The following ARHGAP15 variants were observed in gnomAD, a reference collection of about 807,000 sequenced individuals.
The protein encoded by ARHGAP15 is Rho GTPase activating protein 15.
ARHGAP15 carries 51 observed loss-of-function variants against 63.7 expected under a neutral mutation model. The ratio of observed to expected loss-of-function variants is 0.80; its 90% CI spans 0.64 to 1.01. The LOEUF (loss-of-function observed/expected upper bound fraction) is 1.01. Ranked by LOEUF, ARHGAP15 falls within the 50% of genes least tolerant of loss-of-function variation. The probability of loss-of-function intolerance (pLI) is 0.00; values close to 1 mark genes in which losing one functional copy is unlikely to be tolerated. For missense variants in ARHGAP15, 560 were observed against 564.6 expected (o/e 0.99, Z 0.08); for synonymous variants, 191 against 193.8 (o/e 0.99, Z 0.12).
At chr2:143,486,880 T>A (rs1022350512) in intron 8 of ARHGAP15, among the ~76,000 whole-genome samples, 1 of 152,184 alleles carries the variant, frequency 6.6e-6, no homozygotes, top group Admixed American at 6.5e-5. Flanking sequence ...AAGAAATACC[T>A]GCTTCAGAAA....
At chr2:143,254,336 G>C (rs1047579737) in intron 6 of ARHGAP15, among the ~76,000 whole-genome samples, 2 of 151,856 alleles carry the variant, frequency 1.3e-5, no homozygotes, top group African/African-American at 4.8e-5. Flanking sequence ...TCCTGGCTGG[G>C]CATGTTAGGC....
Position 143,250,579 on chromosome 2 carries a change from G to C in ARHGAP15, c.453G>C (p.Ser151=). ...ACATTGAATGGGCCAAGGAAAAATC[G>C]AGCAGAAAGAATGTCTTTCAGGTAA... ...GAHIEWAKEK[S]SRKNVFQITT... Residue 151 remains serine (S), a synonymous_variant, in exon 6 of 14, where the codon TCG becomes TCC. Coordinates refer to ENST00000295095, the MANE Select transcript of ARHGAP15 (RefSeq NM_018460.4). 6.2e-7 allele frequency: 1 copy of C among 1,613,066 alleles called. No homozygotes were observed. Among genetic ancestry groups the C allele is most frequent in the East Asian group, 2.2e-5 (1 of 44,812 alleles).
intron 6 of ARHGAP15, among the ~76,000 whole-genome samples, chr2:143,268,987 A>G (rs1681137632): frequency 6.6e-6 from 1 of 152,124 alleles, no homozygotes; most frequent in African/African-American, 2.4e-5. Context: ...TTAGATTCTC[A>G]AGGAAATAAA....
chr2:143,412,213 C>T (rs1456466726), intron 6 of ARHGAP15, among the ~76,000 whole-genome samples: 4 of 152,010 alleles, frequency 2.6e-5, no homozygotes. Flanking sequence ...AGCTCTATGT[C>T]GTGTTTTTAA....
At chr2:143,399,349 G>A (rs1038619264) in intron 6 of ARHGAP15, among the ~76,000 whole-genome samples, 4 of 88,282 alleles carry the variant, frequency 4.5e-5, no homozygotes, top group African/African-American at 1.2e-4. Context: ...GGCTCAAAGA[G>A]CACTGAGGCA....
At chr2:143,698,649 T>C (rs1683954173) in intron 12 of ARHGAP15, among the ~76,000 whole-genome samples, 1 of 152,146 alleles carries the variant, frequency 6.6e-6, no homozygotes, top group African/African-American at 2.4e-5. Flanking sequence ...GTGTGTGCAA[T>C]TGTGGGTTCA....
intron 6 of ARHGAP15, among the ~76,000 whole-genome samples, chr2:143,317,166 A>G (rs1683758490): frequency 6.6e-6 from 1 of 152,204 alleles, no homozygotes; most frequent in African/African-American, 2.4e-5. Flanking sequence ...TGGAAATATA[A>G]GATCCAGAAA....
At chr2:143,303,642 A>C (rs1558878289) in intron 6 of ARHGAP15, among the ~76,000 whole-genome samples, 1 of 152,174 alleles carries the variant, frequency 6.6e-6, no homozygotes, top group Non-Finnish European at 1.5e-5. Context: ...GCTTCTGCAC[A>C]GCAAAAGAAA....
Position 143,721,061 on chromosome 2 carries a change from C to CAAA in ARHGAP15, c.1244+17554_1244+17556dup, listed in dbSNP as rs60500194. 1.4e-3 allele frequency among the ~76,000 whole-genome samples: 111 copies of CAAA among 78,410 alleles called. 1 individual carries two copies. The highest frequency in any genetic ancestry group is 7.4e-3 in the East Asian group (20 of 2,694). The allele number at this position is 78,410 out of a possible 152,430, so 51.4% of individuals were successfully genotyped here. The stretch of plus-strand genomic sequence containing the variant: ...TGGGCGACAGAGCAAGACTCCGTCT[C>CAAA]AAAAAAAAAAAAAAAAAAATGCAGA... On this transcript the variant is annotated intron_variant, in intron 13 of 13. Transcript: ENST00000295095.
chr2:143,324,599 T>G (rs1042583711), intron 6 of ARHGAP15, among the ~76,000 whole-genome samples: 2 of 152,228 alleles, frequency 1.3e-5, no homozygotes, highest in African/African-American at 2.4e-5. Context: ...CGTACAGGGT[T>G]AGCTGGGAAA....
chr2:143,437,608 C>G (rs1359133717), intron 8 of ARHGAP15, among the ~76,000 whole-genome samples: 1 of 152,194 alleles, frequency 6.6e-6, no homozygotes, highest in African/African-American at 2.4e-5. Flanking sequence ...ACTACTTACA[C>G]AGTGATCTTG....
At chr2:143,169,359 C>T (rs1409671665) in intron 2 of ARHGAP15, among the ~76,000 whole-genome samples, 1 of 151,954 alleles carries the variant, frequency 6.6e-6, no homozygotes, top group African/African-American at 2.4e-5. Flanking sequence ...ACCTATCTGG[C>T]ATTTGAGTTG....
chr2:143,465,344 A>G (rs550227697), intron 8 of ARHGAP15, among the ~76,000 whole-genome samples: 116 of 152,292 alleles, frequency 7.6e-4, no homozygotes, highest in African/African-American at 2.7e-3. Flanking sequence ...CCTGAATGCT[A>G]CAGCACTTAC....
chr2:143,443,893 T>C (rs1690012995), intron 8 of ARHGAP15, among the ~76,000 whole-genome samples: 1 of 152,198 alleles, frequency 6.6e-6, no homozygotes, highest in South Asian at 2.1e-4. Flanking sequence ...TAGATTGCAC[T>C]TTCTTCAAAA....
At chr2:143,525,503 G>A (rs550043362) in intron 10 of ARHGAP15, among the ~76,000 whole-genome samples, 9 of 151,686 alleles carry the variant, frequency 5.9e-5, no homozygotes, top group Non-Finnish European at 2.9e-5. Context: ...CTTATGTTAG[G>A]CATCTGCATG....
chr2:143,706,074 T>C (rs1250892289), intron 13 of ARHGAP15, among the ~76,000 whole-genome samples: 1 of 152,204 alleles, frequency 6.6e-6, no homozygotes, highest in Non-Finnish European at 1.5e-5. Flanking sequence ...AAGTGTTGTT[T>C]GCTAGCCACC....
intron 11 of ARHGAP15, chr2:143,608,117 G>T (rs1178109586): frequency 6.6e-6 from 1 of 152,158 alleles, no homozygotes; most frequent in Non-Finnish European, 1.5e-5. Flanking sequence ...TTCAACTAAT[G>T]ATGAATGATG....
chr2:143,661,895 C>A (rs1318487771), intron 12 of ARHGAP15, among the ~76,000 whole-genome samples: 4 of 152,262 alleles, frequency 2.6e-5, no homozygotes, highest in African/African-American at 4.8e-5. Flanking sequence ...GAGATTATAT[C>A]CCGCACCTGG....
rs531870421 is a variant in ARHGAP15, at chr2:143,723,298, C to A, written c.1244+19774C>A. Reference sequence around the variant, plus strand: ...CACACTGCCATCTCAAACAACCTATCCATTGGTCCTATGTGAAATGGACTT... The same window carrying A: ...CACACTGCCATCTCAAACAACCTATACATTGGTCCTATGTGAAATGGACTT... On this transcript the variant is annotated intron_variant, in intron 13 of 13. Transcript: ENST00000295095. Among the ~76,000 whole-genome samples the A allele has an allele frequency of 2.0e-4, 30 of 152,264 alleles. 1 individual carries two copies. The highest frequency in any genetic ancestry group is 9.8e-4 in the Admixed American group (15 of 15,294).
Sources: allele counts gnomAD v4.1 joint callset (sites outside exome capture counted in the v4.1 genomes callset), GRCh38; gene constraint gnomAD v4.1.1; transcripts MANE v1.5; gene names NCBI Gene and HGNC (gene_info 2026-07-23, HGNC 2026-07-21).